Variants in ANKRD28 observed in about 807,000 individuals in gnomAD.
ANKRD28 encodes the protein ankyrin repeat domain 28.
Under a neutral mutation model 126.5 loss-of-function variants are expected in ANKRD28, and 44 were observed. The observed-to-expected ratio is 0.35, with a 90% CI of 0.27 to 0.45. ANKRD28 has a LOEUF of 0.45. ANKRD28 is among the 20% of genes least tolerant of loss of function. ANKRD28 has a pLI of 1.00. For missense variants in ANKRD28, 1,110 were observed against 1,316.6 expected, an observed-to-expected ratio of 0.84 and a Z score of 2.43; for synonymous variants, 442 against 468.5, an observed-to-expected ratio of 0.94 and a Z score of 0.73.
chr3:15,724,345 G>A (rs1195632518), intron 7 of ANKRD28, 37 bp downstream of exon 7: 4 of 1,524,202 alleles, frequency 2.6e-6, no homozygotes, highest in Non-Finnish European at 3.6e-6. Flanking sequence ...GTATAAAAGG[G>A]TTCCATAATT....
intron 1 of ANKRD28, among the ~76,000 whole-genome samples, chr3:15,842,678 A>C (rs2061448647): frequency 6.6e-6 from 1 of 152,242 alleles, no homozygotes; most frequent in African/African-American, 2.4e-5. Context: ...TGCCTGTATC[A>C]AAATAGCTCC....
At chr3:15,808,810 C>T (rs997985339) in intron 1 of ANKRD28, among the ~76,000 whole-genome samples, 1 of 152,096 alleles carries the variant, frequency 6.6e-6, no homozygotes, top group Non-Finnish European at 1.5e-5. Context: ...TAGCTTTCCA[C>T]CAATCAAATG....
intron 6 of ANKRD28, among the ~76,000 whole-genome samples, chr3:15,729,712 G>A (rs1261883106): frequency 6.6e-6 from 1 of 152,020 alleles, no homozygotes; most frequent in Non-Finnish European, 1.5e-5. Context: ...AAAAAATTAA[G>A]CCAAGATACT....
intron 3 of ANKRD28, among the ~76,000 whole-genome samples, chr3:15,758,615 AT>A (rs568570507): frequency 1.6e-4 from 25 of 152,184 alleles, no homozygotes; most frequent in Non-Finnish European, 3.1e-4. Flanking sequence ...GAAGACAGCG[AT>A]TTTGCAAGCC....
intron 6 of ANKRD28, among the ~76,000 whole-genome samples, 177 bp from the exon 7 acceptor site, chr3:15,724,701 G>A (rs1157425445): frequency 6.6e-6 from 1 of 152,118 alleles, no homozygotes; most frequent in East Asian, 1.9e-4. Context: ...CTTTAGGGGT[G>A]GGCATAATGG....
At chr3:15,711,379 A>C in intron 11 of ANKRD28, 105 bp from the exon 12 acceptor site, 1 of 904,840 alleles carries the variant, frequency 1.1e-6, no homozygotes, top group African/African-American at 1.7e-5. Context: ...ATCCCAAACA[A>C]AACTATGGGT....
intron 1 of ANKRD28, among the ~76,000 whole-genome samples, chr3:15,824,315 C>T (rs780171165): frequency 6.6e-6 from 1 of 152,188 alleles, no homozygotes; most frequent in Non-Finnish European, 1.5e-5. Context: ...CCACCACAGC[C>T]GGCTAGTTTT....
chr3:15,672,605 C>A (rs1054534481), intron 27 of ANKRD28, among the ~76,000 whole-genome samples: 1 of 152,170 alleles, frequency 6.6e-6, no homozygotes, highest in Non-Finnish European at 1.5e-5. Context: ...ACTGCCCACA[C>A]TTCTTTCAAG....
intron 2 of ANKRD28, among the ~76,000 whole-genome samples, chr3:15,786,997 T>C (rs2059812560): frequency 6.6e-6 from 1 of 152,126 alleles, no homozygotes; most frequent in African/African-American, 2.4e-5. Flanking sequence ...GTTAACTTGA[T>C]GAAAAGATCT....
intron 1 of ANKRD28, among the ~76,000 whole-genome samples, chr3:15,844,695 C>T (rs67599948): frequency 0.13 from 20,232 of 151,730 alleles, 2,036 homozygotes; most frequent in East Asian, 0.56. Flanking sequence ...AAATAATCTC[C>T]GTATTGATAA....
chr3:15,743,174 G>A (rs1192849871), intron 4 of ANKRD28, among the ~76,000 whole-genome samples: 2 of 151,984 alleles, frequency 1.3e-5, no homozygotes, highest in South Asian at 4.2e-4. Context: ...ATGCTTGAAG[G>A]CAGCATGCTC....
intron 14 of ANKRD28, among the ~76,000 whole-genome samples, chr3:15,703,948 T>C (rs1454262665): frequency 6.6e-6 from 1 of 152,184 alleles, no homozygotes; most frequent in East Asian, 1.9e-4. Flanking sequence ...TAACTGTTGA[T>C]GATGGTTATC....
At chr3:15,698,817 G>A (rs996270233) in intron 14 of ANKRD28, among the ~76,000 whole-genome samples, 3 of 151,976 alleles carry the variant, frequency 2.0e-5, no homozygotes, top group African/African-American at 4.8e-5. Flanking sequence ...CATACTACCC[G>A]AGGTACTTTA....
At chr3:15,711,181 C>T in intron 12 of ANKRD28, 30 bp downstream of exon 12, 1 of 1,574,752 alleles carries the variant, frequency 6.4e-7, no homozygotes, top group Non-Finnish European at 8.7e-7. Flanking sequence ...GCTATCTTTT[C>T]TTAAAGAAAT....
At chr3:15,740,988 CAGG>C (rs1367773372) in intron 4 of ANKRD28, among the ~76,000 whole-genome samples, 1 of 152,042 alleles carries the variant, frequency 6.6e-6, no homozygotes, top group Non-Finnish European at 1.5e-5. Context: ...ATCACGAGGT[CAGG>C]AGATCAAGAC....
rs564842909 is a variant in ANKRD28, at chr3:15,845,392, C to T, written c.27+13985G>A. The stretch of plus-strand genomic sequence containing the variant: ...GGGAAATACTCCAACTAGGTTCCCT[C>T]TTTGTCCTGAGAATGTCTAAAAGGT... On this transcript the variant is annotated intron_variant, in intron 1 of 27. Coordinates refer to the ANKRD28 transcript ENST00000399451. This position sits in a 1 kb window ranked among gnomAD's most constrained non-coding sequence, Gnocchi z 4.9. Among the ~76,000 whole-genome samples the T allele has an allele frequency of 7.9e-5, 12 of 152,278 alleles. No individual in the cohort carries two copies. The highest frequency in any genetic ancestry group is 7.8e-4 in the Admixed American group (12 of 15,298).
intron 1 of ANKRD28, among the ~76,000 whole-genome samples, chr3:15,851,573 AAATAAATAAATAAAT>A (rs869181637): frequency 1.3e-5 from 2 of 151,136 alleles, no homozygotes; most frequent in Non-Finnish European, 2.9e-5. Flanking sequence ...ATAAATAAAT[AAATAAATAAATAAAT>A]AAAAGAGATA....
intron 2 of ANKRD28, among the ~76,000 whole-genome samples, chr3:15,791,714 A>G (rs575443219): frequency 6.6e-6 from 1 of 152,190 alleles, no homozygotes; most frequent in Non-Finnish European, 1.5e-5. Flanking sequence ...GCAATAGCCC[A>G]CAAGCACAGG....
chr3:15,776,732 C>T (rs2059285880), intron 2 of ANKRD28, among the ~76,000 whole-genome samples: 1 of 151,948 alleles, frequency 6.6e-6, no homozygotes. Flanking sequence ...TTAAATTGTA[C>T]ATTTGTTTTA....
Sources: allele counts gnomAD v4.1 joint callset (sites outside exome capture counted in the v4.1 genomes callset), GRCh38; gene constraint gnomAD v4.1.1; non-coding constraint Gnocchi (gnomAD v3.1); transcripts MANE v1.5; gene names NCBI Gene and HGNC (gene_info 2026-07-23, HGNC 2026-07-21).